The following KIF6 variants were observed in gnomAD, a reference collection of about 807,000 sequenced individuals.
KIF6 encodes kinesin-like protein KIF6.
KIF6 carries 106 observed loss-of-function variants against 112.7 expected under a neutral mutation model. That is an observed-to-expected ratio of 0.94 (90% CI 0.80 to 1.11). The LOEUF is 1.11. KIF6 is among the 50% of genes least tolerant of loss of function. The pLI is 0.00. For synonymous variants in KIF6, 339 were observed against 339.9 expected (o/e 1.00, Z 0.03); for missense variants, 929 against 964.0 (o/e 0.96, Z 0.48).
chr6:39,371,790 A>G (rs117801942), intron 16 of KIF6, among the ~76,000 whole-genome samples: 5,438 of 152,102 alleles, frequency 0.036, 170 homozygotes, highest in Non-Finnish European at 0.048. Flanking sequence ...GAACCGCCCA[A>G]TAAGGCACAT....
At chr6:39,665,985 G>A (rs186859511) in intron 3 of KIF6, among the ~76,000 whole-genome samples, 38 of 152,256 alleles carry the variant, frequency 2.5e-4, no homozygotes, top group Non-Finnish European at 4.7e-4. Context: ...ATCCTACCAT[G>A]AACATAATTA....
In KIF6 at chr6:39,614,692, A is replaced by C. The variant is rs536856413; in HGVS notation, c.510-1374T>G. ...TGGAAAAAGATCTTTTCTCTTAATGAAAACAAGTGTAATTTATTTATTTTT... is the reference window on the plus strand; with the variant it reads ...TGGAAAAAGATCTTTTCTCTTAATGCAAACAAGTGTAATTTATTTATTTTT... On this transcript the variant is annotated intron_variant, in intron 5 of 22. Transcript: ENST00000287152. Among the ~76,000 whole-genome samples the C allele has an allele frequency of 4.6e-5, 7 of 152,342 alleles. No individual in the cohort carries two copies. The South Asian group carries it at 1.5e-3, about 32-fold the overall frequency.
At chr6:39,560,973 A>C (rs1425092466) in intron 10 of KIF6, among the ~76,000 whole-genome samples, 10 of 152,264 alleles carry the variant, frequency 6.6e-5, no homozygotes, top group Admixed American at 6.5e-4. Context: ...ATACTGTTGC[A>C]TACACTCCTG....
intron 13 of KIF6, among the ~76,000 whole-genome samples, chr6:39,494,611 C>T (rs1226173177): frequency 1.3e-5 from 2 of 152,044 alleles, no homozygotes; most frequent in African/African-American, 4.8e-5. Flanking sequence ...GAAAGAAATC[C>T]TAATGTTCCG....
At chr6:39,492,075 C>A (rs530592154) in intron 13 of KIF6, among the ~76,000 whole-genome samples, 2 of 152,104 alleles carry the variant, frequency 1.3e-5, no homozygotes, top group African/African-American at 4.8e-5. Flanking sequence ...ACACCCACGG[C>A]GAGACTGTAA....
intron 13 of KIF6, among the ~76,000 whole-genome samples, chr6:39,465,568 G>A (rs1332866145): frequency 6.6e-6 from 1 of 151,968 alleles, no homozygotes; most frequent in Non-Finnish European, 1.5e-5. Flanking sequence ...CTTCCTATTT[G>A]TCTCCCTGAC....
intron 15 of KIF6, among the ~76,000 whole-genome samples, chr6:39,401,623 G>C (rs9471090): frequency 0.11 from 16,088 of 151,902 alleles, 1,107 homozygotes; most frequent in East Asian, 0.23. Flanking sequence ...GTCCTCCCGG[G>C]GCAGGGGATT....
intron 10 of KIF6, among the ~76,000 whole-genome samples, chr6:39,546,298 T>A (rs1453104927): frequency 6.6e-6 from 1 of 152,322 alleles, no homozygotes; most frequent in Non-Finnish European, 1.5e-5. Flanking sequence ...CTTTTATAGA[T>A]TGTGGATATT....
intron 16 of KIF6, among the ~76,000 whole-genome samples, chr6:39,384,783 T>G (rs1173172080): frequency 1.3e-5 from 2 of 152,172 alleles, no homozygotes; most frequent in Non-Finnish European, 2.9e-5. Flanking sequence ...GAATTTCTTA[T>G]TTAATCAAAG....
chr6:39,663,676 C>T (rs1786293000), intron 3 of KIF6, among the ~76,000 whole-genome samples: 1 of 151,860 alleles, frequency 6.6e-6, no homozygotes, highest in African/African-American at 2.4e-5. Context: ...ACTTCTAAGA[C>T]ATGAGCTGAG....
intron 6 of KIF6, among the ~76,000 whole-genome samples, chr6:39,603,781 T>G (rs185119862): frequency 1.3e-5 from 2 of 152,268 alleles, no homozygotes; most frequent in African/African-American, 2.4e-5. Flanking sequence ...CAGCCTTCAA[T>G]GATTCAAATA....
chr6:39,573,884 T>G (rs1236742399), intron 10 of KIF6, among the ~76,000 whole-genome samples: 1 of 152,244 alleles, frequency 6.6e-6, no homozygotes, highest in Non-Finnish European at 1.5e-5. Context: ...TTTGCTCATA[T>G]TTGTGCCCCA....
At chr6:39,425,549 C>T (rs995100230) in intron 14 of KIF6, among the ~76,000 whole-genome samples, 15 of 152,156 alleles carry the variant, frequency 9.9e-5, no homozygotes, top group African/African-American at 3.4e-4. Flanking sequence ...CTCCAGAAGC[C>T]TGCTGCATCC....
chr6:39,662,912 T>TC (rs539071250), intron 3 of KIF6, among the ~76,000 whole-genome samples: 79 of 138,474 alleles, frequency 5.7e-4, no homozygotes, highest in Middle Eastern at 3.6e-3. Flanking sequence ...TCTCTCTCTC[T>TC]TTTTTTTTTT....
At chr6:39,648,126 C>T (rs1397453436) in intron 3 of KIF6, among the ~76,000 whole-genome samples, 3 of 147,536 alleles carry the variant, frequency 2.0e-5, no homozygotes, top group South Asian at 2.1e-4. Flanking sequence ...CGGGTTCAAG[C>T]GATTCTCCTG....
intron 15 of KIF6, among the ~76,000 whole-genome samples, chr6:39,386,688 G>A (rs1220001031): frequency 1.3e-5 from 2 of 152,044 alleles, no homozygotes; most frequent in African/African-American, 4.8e-5. Flanking sequence ...CCTGCCCTGG[G>A]TAGGATCTGG....
chr6:39,529,147 C>G (rs1279492831), intron 13 of KIF6, among the ~76,000 whole-genome samples: 1 of 152,142 alleles, frequency 6.6e-6, no homozygotes, highest in African/African-American at 2.4e-5. Context: ...ACACCATATT[C>G]AGAAATCAAC....
chr6:39,531,903 C>T (rs906873989), intron 13 of KIF6, among the ~76,000 whole-genome samples: 4 of 152,150 alleles, frequency 2.6e-5, no homozygotes, highest in Non-Finnish European at 4.4e-5. Flanking sequence ...TGTCAATCAA[C>T]CTGTCGTCCC....
chr6:39,661,683 A>G (rs1374184017), intron 3 of KIF6, among the ~76,000 whole-genome samples: 1 of 152,184 alleles, frequency 6.6e-6, no homozygotes, highest in Non-Finnish European at 1.5e-5. Flanking sequence ...GAGAGGTACA[A>G]GAAGGAACAG....
Sources: allele counts gnomAD v4.1 joint callset (sites outside exome capture counted in the v4.1 genomes callset), GRCh38; gene constraint gnomAD v4.1.1; transcripts MANE v1.5; gene names NCBI Gene and HGNC (gene_info 2026-07-23, HGNC 2026-07-21).